Variants in PTPRO observed in about 807,000 individuals in gnomAD.
The protein encoded by PTPRO is protein tyrosine phosphatase receptor type O.
A neutral mutation model predicts 145.2 loss-of-function variants in PTPRO; 62 were observed. The observed-to-expected ratio is 0.43, with a 90% CI of 0.35 to 0.53. PTPRO has a LOEUF of 0.53. Among genes scored for constraint, PTPRO ranks in the 20% least tolerant of loss-of-function variants. PTPRO has a pLI of 0.01. For missense variants in PTPRO, 1,345 were observed against 1,482.7 expected (o/e 0.91, Z 1.53); for synonymous variants, 565 against 514.7 (o/e 1.10, Z -1.32).
intron 2 of PTPRO, among the ~76,000 whole-genome samples, chr12:15,493,236 T>C (rs540330820): frequency 6.6e-6 from 1 of 152,214 alleles, no homozygotes; most frequent in South Asian, 2.1e-4. Flanking sequence ...TAGAATTTTA[T>C]ACCCAGATAC....
At chr12:15,332,272 T>G (rs1866635886) in intron 1 of PTPRO, among the ~76,000 whole-genome samples, 1 of 152,220 alleles carries the variant, frequency 6.6e-6, no homozygotes, top group African/African-American at 2.4e-5. Context: ...TATCTTTCCT[T>G]TGTTTAAAAA....
chr12:15,550,005 C>T (rs1352422396), intron 14 of PTPRO, among the ~76,000 whole-genome samples: 1 of 152,098 alleles, frequency 6.6e-6, no homozygotes, highest in South Asian at 2.1e-4. Flanking sequence ...AATGGTCTCT[C>T]ATTCCTACAT....
At chr12:15,341,905 C>T (rs1867004458) in intron 1 of PTPRO, among the ~76,000 whole-genome samples, 1 of 152,200 alleles carries the variant, frequency 6.6e-6, no homozygotes, top group Admixed American at 6.5e-5. Context: ...TCATAATCAC[C>T]TCTACCTCGC....
chr12:15,412,332 T>C (rs1013905292), intron 1 of PTPRO, among the ~76,000 whole-genome samples: 2 of 152,240 alleles, frequency 1.3e-5, no homozygotes, highest in African/African-American at 4.8e-5. Context: ...TAAAATTCTT[T>C]TTTATTAACA....
intron 8 of PTPRO, 128 bp from the exon 9 acceptor site, chr12:15,516,635 A>AGGGAAGGAAGGGAGGG (rs879130363): frequency 1.5e-6 from 1 of 681,236 alleles, no homozygotes; most frequent in African/African-American, 2.0e-5. Flanking sequence ...GGAAGGAAGG[A>AGGGAAGGAAGGGAGGG]AGGGAGGGAG....
At chr12:15,510,146 G>A (rs975225938) in intron 7 of PTPRO, among the ~76,000 whole-genome samples, 1 of 152,068 alleles carries the variant, frequency 6.6e-6, no homozygotes, top group African/African-American at 2.4e-5. Flanking sequence ...ATTCCTCCCA[G>A]GAAAATTAAG....
intron 1 of PTPRO, among the ~76,000 whole-genome samples, chr12:15,385,383 A>G (rs1415414055): frequency 6.6e-6 from 1 of 152,208 alleles, no homozygotes; most frequent in Non-Finnish European, 1.5e-5. Flanking sequence ...TGATGCCAGC[A>G]CAAAGCAGGA....
At chr12:15,478,557 T>C (rs186671214) in intron 1 of PTPRO, among the ~76,000 whole-genome samples, 1 of 152,280 alleles carries the variant, frequency 6.6e-6, no homozygotes, top group Admixed American at 6.5e-5. Flanking sequence ...AATTTGGGTA[T>C]GGGGAAGGGA....
chr12:15,463,273 A>G (rs1941345388), intron 1 of PTPRO, among the ~76,000 whole-genome samples: 1 of 152,170 alleles, frequency 6.6e-6, no homozygotes, highest in Non-Finnish European at 1.5e-5. Context: ...AATAGATCCT[A>G]AACTCCAATC....
intron 10 of PTPRO, among the ~76,000 whole-genome samples, chr12:15,522,155 G>A (rs975183094): frequency 6.6e-6 from 1 of 151,656 alleles, no homozygotes; most frequent in African/African-American, 2.4e-5. Context: ...ATTAAATCAT[G>A]TAATGTAAGT....
At chr12:15,552,017 A>G (rs1488850355) in intron 15 of PTPRO, among the ~76,000 whole-genome samples, 3 of 128,172 alleles carry the variant, frequency 2.3e-5, no homozygotes, top group Non-Finnish European at 4.7e-5. Context: ...ATAGTTAATG[A>G]AAAAAGTTAA....
chr12:15,568,708 C>T (rs1220626657), intron 18 of PTPRO, among the ~76,000 whole-genome samples: 1 of 152,196 alleles, frequency 6.6e-6, no homozygotes, highest in Non-Finnish European at 1.5e-5. Flanking sequence ...AGAACTTCTG[C>T]TGCGGATGCA....
At chr12:15,403,557 T>C (rs1939561447) in intron 1 of PTPRO, among the ~76,000 whole-genome samples, 1 of 152,170 alleles carries the variant, frequency 6.6e-6, no homozygotes, top group South Asian at 2.1e-4. Flanking sequence ...CACTCCAGCC[T>C]GGGTGAGAGA....
In PTPRO at chr12:15,520,308, A is replaced by G; in HGVS notation, c.1887A>G (p.Ile629Met). Residue 629 changes from isoleucine (I) to methionine (M), a missense_variant, in exon 10 of 27, where the codon ATA becomes ATG. By Grantham distance (10) the Ile-to-Met change is conservative. Coordinates refer to ENST00000281171, the MANE Select transcript of PTPRO (RefSeq NM_030667.3). ...SCCDSSTISFITAPVAPEITS... is the reference protein window; with the variant it reads ...SCCDSSTISFMTAPVAPEITS... ...GTGACAGCTCTACCATCAGCTTCAT[A>G]ACAGGTGAGGCATGTGTGGGGAACA... 6.2e-7 allele frequency: 1 copy of G among 1,606,914 alleles called. No individual in the cohort carries two copies. The highest frequency in any genetic ancestry group is 8.5e-7 in the Non-Finnish European group (1 of 1,173,648).
Position 15,587,992 on chromosome 12 carries a change from TC to T in PTPRO, c.3410+942del, listed in dbSNP as rs565665606. Reference sequence around the variant, plus strand: ...GTGTCTCCCTGGAAAGGAAAATGCTTCATAAGCTACTAAGTTTCTGTTTAGG... The same window carrying T: ...GTGTCTCCCTGGAAAGGAAAATGCTTATAAGCTACTAAGTTTCTGTTTAGG... On this transcript the variant is annotated intron_variant, in intron 24 of 26. Transcript: ENST00000281171. Among the ~76,000 whole-genome samples, 1,187 of 152,330 alleles carry T rather than the reference TC, an allele frequency of 7.8e-3. 5 individuals carry two copies. Among genetic ancestry groups the T allele is most frequent in the Non-Finnish European group, 0.014 (927 of 68,028 alleles).
chr12:15,336,087 G>T (rs1047488645), intron 1 of PTPRO, among the ~76,000 whole-genome samples: 1 of 152,168 alleles, frequency 6.6e-6, no homozygotes, highest in Non-Finnish European at 1.5e-5. Context: ...AAAACTGACA[G>T]ATGTTCACAG....
intron 18 of PTPRO, among the ~76,000 whole-genome samples, chr12:15,566,183 T>A (rs1488549347): frequency 6.6e-6 from 1 of 152,214 alleles, no homozygotes; most frequent in East Asian, 1.9e-4. Context: ...CCCCAGTTGA[T>A]TTCAAAAGCC....
At chr12:15,323,326 G>A (rs1376107407) in intron 1 of PTPRO, among the ~76,000 whole-genome samples, 1 of 152,034 alleles carries the variant, frequency 6.6e-6, no homozygotes, top group African/African-American at 2.4e-5. Context: ...TAGAGAGCTT[G>A]GTAAGGATTC....
At chr12:15,451,604 A>C (rs1207109094) in intron 1 of PTPRO, among the ~76,000 whole-genome samples, 1 of 152,210 alleles carries the variant, frequency 6.6e-6, no homozygotes, top group Non-Finnish European at 1.5e-5. Context: ...CCACAAAACA[A>C]GTCTCAATAA....
Sources: gnomAD v4.1 joint callset for allele counts (sites outside exome capture counted in the v4.1 genomes callset) on GRCh38, gnomAD v4.1.1 for gene constraint, MANE v1.5 for transcripts, NCBI Gene and HGNC (gene_info 2026-07-23, HGNC 2026-07-21) for gene names.